CYP7B1: variants seen among roughly 807,000 people sequenced by gnomAD.
CYP7B1 encodes cytochrome P450 family 7 subfamily B member 1.
In CYP7B1, 29 loss-of-function variants were observed where a neutral mutation model predicts 42.7. The observed-to-expected ratio is 0.68, with a 90% CI of 0.51 to 0.93. The LOEUF (loss-of-function observed/expected upper bound fraction) is 0.93, where lower values mean the gene tolerates loss of function less well. CYP7B1 is among the 40% of genes least tolerant of loss of function. CYP7B1 has a pLI of 0.00. For synonymous variants in CYP7B1, 235 were observed against 218.2 expected, an observed-to-expected ratio of 1.08 and a Z score of -0.68; for missense variants, 655 against 600.5, an observed-to-expected ratio of 1.09 and a Z score of -0.95.
chr8:64,645,460 G>C (rs1178400842), intron 1 of CYP7B1, among the ~76,000 whole-genome samples: 1 of 152,012 alleles, frequency 6.6e-6, no homozygotes. Context: ...ATTCTAACTG[G>C]TGTGAGATGG....
chr8:64,784,625 A>C (rs187649222), intron 1 of CYP7B1, among the ~76,000 whole-genome samples: 1 of 152,292 alleles, frequency 6.6e-6, no homozygotes, highest in Non-Finnish European at 1.5e-5. Flanking sequence ...TAACAAAATG[A>C]GTAAGAGATG....
chr8:64,656,450 T>C (rs549891710), intron 1 of CYP7B1, among the ~76,000 whole-genome samples: 2 of 152,310 alleles, frequency 1.3e-5, no homozygotes, highest in South Asian at 2.1e-4. Flanking sequence ...TACTACACCC[T>C]CAATCATCTC....
At chr8:64,737,166 G>A (rs1481261184) in intron 1 of CYP7B1, among the ~76,000 whole-genome samples, 1 of 152,126 alleles carries the variant, frequency 6.6e-6, no homozygotes, top group East Asian at 1.9e-4. Context: ...GCAATGATAT[G>A]ATCATAGCTC....
At chr8:64,794,613 C>T (rs1457085219) in intron 1 of CYP7B1, among the ~76,000 whole-genome samples, 1 of 152,112 alleles carries the variant, frequency 6.6e-6, no homozygotes, top group Non-Finnish European at 1.5e-5. Context: ...TATAAGGACA[C>T]TAATCTCATC....
intron 1 of CYP7B1, among the ~76,000 whole-genome samples, chr8:64,629,404 A>G (rs1029182900): frequency 6.6e-6 from 1 of 152,196 alleles, no homozygotes; most frequent in Non-Finnish European, 1.5e-5. Context: ...AGAAAAAATA[A>G]AATTACGTAT....
intron 2 of CYP7B1, 71 bp from the exon 3 acceptor site, chr8:64,616,352 A>T (rs761601200): frequency 5.1e-6 from 5 of 975,222 alleles, no homozygotes; most frequent in South Asian, 4.5e-5. Context: ...ACCACAAATT[A>T]AAAAATATGT....
At chr8:64,667,888 G>GT (rs1183646020) in intron 1 of CYP7B1, among the ~76,000 whole-genome samples, 10 of 152,106 alleles carry the variant, frequency 6.6e-5, no homozygotes, top group Non-Finnish European at 1.3e-4. Context: ...GTTCTTGAGT[G>GT]TTTTTGCAAA....
chr8:64,786,853 T>C (rs2129706693), intron 1 of CYP7B1, among the ~76,000 whole-genome samples: 1 of 152,386 alleles, frequency 6.6e-6, no homozygotes. Flanking sequence ...ATACATCCTC[T>C]GTAATCTAGG....
intron 1 of CYP7B1, among the ~76,000 whole-genome samples, chr8:64,775,713 T>C (rs1406793486): frequency 1.3e-5 from 2 of 152,060 alleles, no homozygotes; most frequent in African/African-American, 2.4e-5. Context: ...ACAGTGAACT[T>C]TGTCTGGGAG....
intron 1 of CYP7B1, among the ~76,000 whole-genome samples, chr8:64,693,149 A>G (rs915749840): frequency 3.3e-5 from 5 of 152,358 alleles, no homozygotes; most frequent in Admixed American, 1.3e-4. Context: ...TGTCGTTCAG[A>G]CATGATCTGC....
At chr8:64,760,498 C>G (rs1057016856) in intron 1 of CYP7B1, among the ~76,000 whole-genome samples, 2 of 151,924 alleles carry the variant, frequency 1.3e-5, no homozygotes, top group African/African-American at 4.8e-5. Context: ...ATTCATACCA[C>G]CCAATAGCAA....
At chr8:64,608,890 T>C (rs1805325383) in intron 4 of CYP7B1, among the ~76,000 whole-genome samples, 2 of 152,368 alleles carry the variant, frequency 1.3e-5, no homozygotes, top group South Asian at 4.1e-4. Context: ...AATGCCTATC[T>C]TCACTCTGCA....
At chr8:64,754,229 G>A (rs546367989) in intron 1 of CYP7B1, among the ~76,000 whole-genome samples, 1 of 152,366 alleles carries the variant, frequency 6.6e-6, no homozygotes, top group East Asian at 1.9e-4. Context: ...GTCGGGAAGA[G>A]TCTGAAACAG....
intron 1 of CYP7B1, among the ~76,000 whole-genome samples, chr8:64,773,780 G>A (rs1804275552): frequency 1.3e-5 from 2 of 152,158 alleles, no homozygotes; most frequent in Admixed American, 6.5e-5. Context: ...ATAACATGGT[G>A]GAGGGCATCA....
intron 1 of CYP7B1, among the ~76,000 whole-genome samples, chr8:64,748,307 T>C (rs1807676687): frequency 6.6e-6 from 1 of 152,106 alleles, no homozygotes; most frequent in Non-Finnish European, 1.5e-5. Context: ...CTATTCTCCT[T>C]CCTTTTCCTT....
intron 1 of CYP7B1, among the ~76,000 whole-genome samples, chr8:64,718,184 G>A (rs1807186180): frequency 6.6e-6 from 1 of 151,848 alleles, no homozygotes; most frequent in Admixed American, 6.6e-5. Flanking sequence ...CATCCCTATT[G>A]AATATTCAAA....
At chr8:64,766,822 G>T (rs1260244215) in intron 1 of CYP7B1, among the ~76,000 whole-genome samples, 1 of 152,166 alleles carries the variant, frequency 6.6e-6, no homozygotes, top group Non-Finnish European at 1.5e-5. Flanking sequence ...GCCAGCCCAT[G>T]CCATCACCTT....
At position 64,615,076 on chromosome 8, in the gene CYP7B1, C is replaced by T. The variant is rs771797585; in HGVS notation, c.1007G>A (p.Gly336Glu). The stretch of plus-strand genomic sequence containing the variant: ...TTCTCTGGTGAGGTGGATGGGAAAT[C>T]CAGACCCTTTCTTTTGACCTGTTGA... ...LQSTGQKKGS[G>E]FPIHLTREQL... is the part of the protein sequence containing the mutation. The change falls in exon 4 of 6, where the codon GGA becomes GAA. Residue 336 changes from glycine (G) to glutamate (E), a missense_variant. Transcript: ENST00000310193. 6 of 1,613,626 alleles carry T rather than the reference C, an allele frequency of 3.7e-6. No individual in the cohort carries two copies. The highest frequency in any genetic ancestry group is 5.1e-6 in the Non-Finnish European group (6 of 1,179,730).
At chr8:64,695,402 G>GGAGGCGC (rs1806809180) in intron 1 of CYP7B1, among the ~76,000 whole-genome samples, 1 of 152,080 alleles carries the variant, frequency 6.6e-6, no homozygotes, top group South Asian at 2.1e-4. Context: ...TGAGGGAGAA[G>GGAGGCGC]GAGGACATGT....
Sources: gnomAD v4.1 joint callset for allele counts (sites outside exome capture counted in the v4.1 genomes callset) on GRCh38, gnomAD v4.1.1 for gene constraint, MANE v1.5 for transcripts, NCBI Gene and HGNC (gene_info 2026-07-23, HGNC 2026-07-21) for gene names.